Variants in RCHY1 observed in about 807,000 individuals in gnomAD.
RCHY1 encodes the protein ring finger and CHY zinc finger domain containing 1.
A neutral mutation model predicts 41.6 loss-of-function variants in RCHY1; 21 were observed. That is an observed-to-expected ratio of 0.51 (90% CI 0.36 to 0.73). The LOEUF is 0.73. RCHY1 is among the 30% of genes least tolerant of loss of function. RCHY1 has a pLI of 0.00. For synonymous variants in RCHY1, 79 were observed against 102.9 expected, an observed-to-expected ratio of 0.77 and a Z score of 1.41; for missense variants, 265 against 325.3, an observed-to-expected ratio of 0.81 and a Z score of 1.43.
chr4:75,489,687 G>A (rs189485728), intron 8 of RCHY1, among the ~76,000 whole-genome samples: 123 of 152,274 alleles, frequency 8.1e-4, no homozygotes, highest in Non-Finnish European at 1.5e-3. Flanking sequence ...ACTCTGATAT[G>A]ACTAAATGCC....
intron 8 of RCHY1, among the ~76,000 whole-genome samples, chr4:75,489,370 A>G (rs920832689): frequency 6.6e-6 from 1 of 152,194 alleles, no homozygotes; most frequent in Non-Finnish European, 1.5e-5. Flanking sequence ...GGTTAACTCT[A>G]TTACAGTACC....
At chr4:75,498,514 C>A (rs1723437336) in intron 3 of RCHY1, among the ~76,000 whole-genome samples, 1 of 149,552 alleles carries the variant, frequency 6.7e-6, no homozygotes, top group Admixed American at 6.7e-5. Flanking sequence ...ACTGGAGAGG[C>A]TTCACACTAC....
chr4:75,489,191 T>C (rs928033812), intron 8 of RCHY1, among the ~76,000 whole-genome samples: 3 of 152,190 alleles, frequency 2.0e-5, no homozygotes, highest in Admixed American at 6.5e-5. Flanking sequence ...CTAAAATAAT[T>C]TATGACCAAT....
At chr4:75,496,061 A>T (rs1395793095) in intron 3 of RCHY1, among the ~76,000 whole-genome samples, 1 of 152,112 alleles carries the variant, frequency 6.6e-6, no homozygotes, top group Non-Finnish European at 1.5e-5. Context: ...TTCTCTTACA[A>T]ATGAACTTTA....
chr4:75,496,771 T>C (rs992689542), intron 3 of RCHY1, among the ~76,000 whole-genome samples: 1 of 151,970 alleles, frequency 6.6e-6, no homozygotes, highest in African/African-American at 2.4e-5. Context: ...AGAAGATTTA[T>C]AGGAATACAA....
chr4:75,509,790 T>C lies in RCHY1; in HGVS notation c.91-494A>G, dbSNP rs543622572. On this transcript the variant is annotated intron_variant, in intron 1 of 8. Coordinates refer to ENST00000324439, the MANE Select transcript of RCHY1 (RefSeq NM_015436.4). ...CTTTTGCTTCTTCCTCATTTTCTAT[T>C]GCCACCACCATGTAAGAAGTGCCTT... 5.1e-5 allele frequency: 9 copies of C among 176,014 alleles called. No homozygotes were observed. In the South Asian group the frequency reaches 1.4e-3, roughly 28 times the overall value. 10.9% of individuals were successfully genotyped at this position (176,014 alleles called of 1,614,324 possible).
intron 3 of RCHY1, among the ~76,000 whole-genome samples, chr4:75,496,403 T>C (rs971293594): frequency 1.2e-4 from 18 of 151,996 alleles, no homozygotes; most frequent in Non-Finnish European, 5.9e-5. Flanking sequence ...GACAGATTCA[T>C]AGGACAGAGC....
intron 3 of RCHY1, among the ~76,000 whole-genome samples, chr4:75,501,167 G>A (rs1212196784): frequency 2.0e-5 from 3 of 152,168 alleles, no homozygotes; most frequent in East Asian, 3.9e-4. Flanking sequence ...ATACCACCAC[G>A]CCTGGCTAAT....
intron 3 of RCHY1, among the ~76,000 whole-genome samples, chr4:75,502,560 T>C (rs558190762): frequency 4.3e-4 from 66 of 152,084 alleles, no homozygotes; most frequent in Non-Finnish European, 3.5e-4. Context: ...AGAAAAGAAA[T>C]CTTCTAAAGA....
At chr4:75,494,822 G>A (rs918843937) in intron 3 of RCHY1, among the ~76,000 whole-genome samples, 5 of 151,838 alleles carry the variant, frequency 3.3e-5, no homozygotes, top group Non-Finnish European at 7.4e-5. Flanking sequence ...CTGCATGAGA[G>A]TAACCATGTT....
intron 8 of RCHY1, among the ~76,000 whole-genome samples, chr4:75,486,488 A>T (rs1578204322): frequency 1.3e-5 from 2 of 152,078 alleles, no homozygotes; most frequent in African/African-American, 4.8e-5. Flanking sequence ...ATTTAAGGAA[A>T]CATCCTTCCA....
chr4:75,503,698 A>T (rs1393793376), intron 3 of RCHY1, among the ~76,000 whole-genome samples: 2 of 152,126 alleles, frequency 1.3e-5, no homozygotes, highest in African/African-American at 4.8e-5. Context: ...TCTCAAAAAA[A>T]AATTAATTAA....
chr4:75,492,372 C>CAGCA (rs1466258283), intron 4 of RCHY1, among the ~76,000 whole-genome samples: 1 of 151,828 alleles, frequency 6.6e-6, no homozygotes, highest in Non-Finnish European at 1.5e-5. Flanking sequence ...CAGCACAGTA[C>CAGCA]CTGTATAAGA....
At chr4:75,496,205 A>G (rs1255881005) in intron 3 of RCHY1, among the ~76,000 whole-genome samples, 1 of 152,130 alleles carries the variant, frequency 6.6e-6, no homozygotes, top group Non-Finnish European at 1.5e-5. Context: ...ATGAAACAGC[A>G]GTTTCACTGA....
chr4:75,502,072 CA>C (rs879868889), intron 3 of RCHY1, among the ~76,000 whole-genome samples: 98 of 138,930 alleles, frequency 7.1e-4, no homozygotes, highest in Non-Finnish European at 7.2e-4. Context: ...AACTCTGTCT[CA>C]AAAAAAAAAA....
chr4:75,484,597 C>A (rs537080357), intron 8 of RCHY1, among the ~76,000 whole-genome samples: 2 of 152,132 alleles, frequency 1.3e-5, no homozygotes, highest in African/African-American at 4.8e-5. Flanking sequence ...ATATGAGAGC[C>A]AAAGCCAAGA....
chr4:75,503,686 C>CA (rs1000067470), intron 3 of RCHY1, among the ~76,000 whole-genome samples: 3 of 151,018 alleles, frequency 2.0e-5, no homozygotes, highest in Non-Finnish European at 2.9e-5. Flanking sequence ...AGTGGGACTC[C>CA]ATCTCAAAAA....
Position 75,507,128 on chromosome 4 carries a change from A to G in RCHY1, c.326+1692T>C, listed in dbSNP as rs1429152154. 2.0e-5 allele frequency among the ~76,000 whole-genome samples: 3 copies of G among 152,234 alleles called. No homozygotes were observed. The South Asian group carries it at 6.2e-4, about 32-fold the overall frequency. Reference sequence around the variant, plus strand: ...CATCAGCAGGACCTCACTAAAAGAAACACTAAAGACAATTCTTTAAGCAGA... The same window carrying G: ...CATCAGCAGGACCTCACTAAAAGAAGCACTAAAGACAATTCTTTAAGCAGA... On this transcript the variant is annotated intron_variant, in intron 3 of 8. Coordinates refer to ENST00000324439, the MANE Select transcript of RCHY1 (RefSeq NM_015436.4).
intron 3 of RCHY1, among the ~76,000 whole-genome samples, chr4:75,506,402 GCA>G (rs1405083006): frequency 2.0e-5 from 3 of 151,720 alleles, no homozygotes; most frequent in Non-Finnish European, 2.9e-5. Flanking sequence ...GAGTTATTAG[GCA>G]CAGTCCTTTA....
Sources: gnomAD v4.1 joint callset for allele counts (sites outside exome capture counted in the v4.1 genomes callset) on GRCh38, gnomAD v4.1.1 for gene constraint, MANE v1.5 for transcripts, NCBI Gene and HGNC (gene_info 2026-07-23, HGNC 2026-07-21) for gene names.